PPP2R2D: variants seen among roughly 807,000 people sequenced by gnomAD.
The protein encoded by PPP2R2D is protein phosphatase 2 regulatory subunit Bdelta, also known as serine/threonine-protein phosphatase 2A 55 kDa regulatory subunit B delta isoform.
Under a neutral mutation model 31.1 loss-of-function variants are expected in PPP2R2D, and 9 were observed. The ratio of observed to expected loss-of-function variants is 0.29; its 90% CI spans 0.17 to 0.51. The LOEUF (loss-of-function observed/expected upper bound fraction) is 0.51. Ranked by LOEUF, PPP2R2D falls within the 20% of genes least tolerant of loss-of-function variation. PPP2R2D has a pLI of 0.98. For synonymous variants in PPP2R2D, 179 were observed against 172.6 expected, an observed-to-expected ratio of 1.04 and a Z score of -0.29; for missense variants, 391 against 465.6, an observed-to-expected ratio of 0.84 and a Z score of 1.48.
At chr10:131,932,144 T>C (rs1209730756) in intron 2 of PPP2R2D, among the ~76,000 whole-genome samples, 3 of 152,106 alleles carry the variant, frequency 2.0e-5, no homozygotes, top group Non-Finnish European at 4.4e-5. Flanking sequence ...GCGGACACTT[T>C]GCGGATTTGA....
Position 131,947,573 on chromosome 10 carries a change from A to C in PPP2R2D, c.864A>C (p.Ser288=), listed in dbSNP as rs2036564644. 6.2e-7 allele frequency: 1 copy of C among 1,614,102 alleles called. No homozygotes were observed. The highest frequency in any genetic ancestry group is 8.5e-7 in the Non-Finnish European group (1 of 1,180,038). ...ATCCCAGCAGTAGGTCCTTCTTCTC[A>C]GAAATAATTTCATCCATATCCGATG... ...PEDPSSRSFF[S]EIISSISDVK... Residue 288 remains serine (S), a synonymous_variant, in exon 8 of 9, where the codon TCA becomes TCC. Transcript: ENST00000455566. This position sits in a 1 kb window ranked among gnomAD's most constrained non-coding sequence, Gnocchi z 4.3.
chr10:131,951,331 A>G (rs1272117419), intron 8 of PPP2R2D, among the ~76,000 whole-genome samples: 2 of 152,256 alleles, frequency 1.3e-5, no homozygotes, highest in African/African-American at 4.8e-5. Context: ...CCACAGGTGC[A>G]TCATTAGAGG....
At chr10:131,940,767 AGT>A (rs1265446736) in intron 5 of PPP2R2D, 73 bp downstream of exon 5, 1 of 700,396 alleles carries the variant, frequency 1.4e-6, no homozygotes, top group Non-Finnish European at 2.6e-6. Flanking sequence ...CTGTCTGGAG[AGT>A]GCTGCGCGGT....
Position 131,947,682 on chromosome 10 carries a change from C to A in PPP2R2D, c.973C>A (p.Pro325Thr), listed in dbSNP as rs1554898179. The A allele has an allele frequency of 6.2e-7, 1 of 1,614,056 alleles. No homozygotes were observed. The highest frequency in any genetic ancestry group is 8.5e-7 in the Non-Finnish European group (1 of 1,180,048). The change falls in exon 8 of 9, where the codon CCG (proline) becomes ACG (threonine). Residue 325 changes from proline (P) to threonine (T), a missense_variant. This residue lies in a region of PPP2R2D where 163 missense variants were observed against 179.5 expected (regional missense o/e 0.91). Coordinates refer to ENST00000455566, the MANE Select transcript of PPP2R2D (RefSeq NM_018461.5). The surrounding 1 kb of genome is among the most constrained non-coding windows in gnomAD (Gnocchi z 4.3). ...GTGGGACCTCAACATGGAGAGCAGG[C>A]CGGTGGAGACCCACCAGGTCCACGA... Reference protein sequence around the residue: ...KVWDLNMESRPVETHQVHEYL... With the variant: ...KVWDLNMESRTVETHQVHEYL...
At chr10:131,921,391 A>C (rs2035985508) in intron 2 of PPP2R2D, among the ~76,000 whole-genome samples, 1 of 152,134 alleles carries the variant, frequency 6.6e-6, no homozygotes, top group African/African-American at 2.4e-5. Flanking sequence ...TTAAGAGTTC[A>C]TCCGTTGCCA....
chr10:131,932,646 CAAAAAAA>C (rs368610703), intron 2 of PPP2R2D, among the ~76,000 whole-genome samples: 1 of 57,860 alleles, frequency 1.7e-5, no homozygotes, highest in Non-Finnish European at 3.1e-5. Flanking sequence ...CAGCCTGTCT[CAAAAAAA>C]AAAAAAAAAA....
chr10:131,938,458 G>T (rs952144153), intron 3 of PPP2R2D, among the ~76,000 whole-genome samples: 17 of 152,140 alleles, frequency 1.1e-4, no homozygotes, highest in Non-Finnish European at 2.4e-4. Flanking sequence ...ACCACCCAGA[G>T]GTTATCCCTT....
Position 131,947,768 on chromosome 10 carries a change from G to A in PPP2R2D, c.1059G>A (p.Glu353=), listed in dbSNP as rs782713608. The A allele has an allele frequency of 6.2e-7, 1 of 1,614,178 alleles. No individual in the cohort carries two copies. Among genetic ancestry groups the A allele is most frequent in the East Asian group, 2.2e-5 (1 of 44,880 alleles). Residue 353 remains glutamate (E), a synonymous_variant, in exon 8 of 9, where the codon GAG becomes GAA. Transcript: ENST00000455566. The surrounding 1 kb of genome is among the most constrained non-coding windows in gnomAD (Gnocchi z 4.3). ...ACGACTGCATCTTTGACAAGTTTGA[G>A]TGTTGCTGGAACGGTTCGGATAGGT... is the stretch of plus-strand genomic sequence containing the variant. ...YENDCIFDKF[E]CCWNGSDSAI... is the part of the protein sequence containing the mutation.
Position 131,945,726 on chromosome 10 carries a change from C to T in PPP2R2D, c.820+267C>T. ...TCGGCCTCCCAAAGTGCTGGGATTACAGGTGTGAGTCACCGCACCTGGTCA... is the reference window on the plus strand; with the variant it reads ...TCGGCCTCCCAAAGTGCTGGGATTATAGGTGTGAGTCACCGCACCTGGTCA... On this transcript the variant is annotated intron_variant, in intron 7 of 8. Transcript: ENST00000455566. The surrounding 1 kb of genome is among the most constrained non-coding windows in gnomAD (Gnocchi z 4.8). 2.4e-6 allele frequency: 1 copy of T among 408,528 alleles called. No individual in the cohort carries two copies. The highest frequency in any genetic ancestry group is 4.4e-6 in the Non-Finnish European group (1 of 226,412). The allele number at this position is 408,528 out of a possible 1,614,324, so 25.3% of individuals were successfully genotyped here.
At chr10:131,918,897 G>GCA (rs1554893716) in intron 2 of PPP2R2D, among the ~76,000 whole-genome samples, 2 of 144,526 alleles carry the variant, frequency 1.4e-5, no homozygotes, top group African/African-American at 5.2e-5. Context: ...GACCTCACAT[G>GCA]GGTGGAATGG....
intron 2 of PPP2R2D, 69 bp from the exon 3 acceptor site, chr10:131,934,389 T>G: frequency 1.4e-6 from 1 of 714,542 alleles, no homozygotes; most frequent in Non-Finnish European, 2.6e-6. Flanking sequence ...TCTTTTTTAT[T>G]AATTTTTTGG....
chr10:131,948,071 A>G (rs1414425890), intron 8 of PPP2R2D, among the ~76,000 whole-genome samples: 1 of 152,214 alleles, frequency 6.6e-6, no homozygotes, highest in Non-Finnish European at 1.5e-5. Flanking sequence ...ATGATAGTGT[A>G]TTACTTTTTA....
Position 131,939,565 on chromosome 10 carries a change from A to G in PPP2R2D, c.199-466A>G, listed in dbSNP as rs188882150. The stretch of plus-strand genomic sequence containing the variant: ...TGCTCCAGAAAATACGGCAGGCTGT[A>G]TTTGGCAGACCTGCTCCAGAGAACA... On this transcript the variant is annotated intron_variant, in intron 3 of 8. Coordinates refer to ENST00000455566, the MANE Select transcript of PPP2R2D (RefSeq NM_018461.5). Among the ~76,000 whole-genome samples the G allele has an allele frequency of 8.4e-4, 120 of 142,338 alleles. 17 individuals are homozygous for G. The highest frequency in any genetic ancestry group is 1.6e-3 in the East Asian group (8 of 4,866). The allele number at this position is 142,338 out of a possible 152,430, so 93.4% of individuals were successfully genotyped here.
chr10:131,970,604 G>A, the PPP2R2D span: 2 of 1,608,046 alleles, frequency 1.2e-6, no homozygotes, highest in Non-Finnish European at 1.7e-6. The surrounding 1 kb of genome is among the most constrained non-coding windows in gnomAD (Gnocchi z 4.1). Context: ...CCCACGACAT[G>A]CCATGACAGG....
chr10:131,909,348 T>G (rs1231031379), intron 2 of PPP2R2D, among the ~76,000 whole-genome samples: 1 of 152,156 alleles, frequency 6.6e-6, no homozygotes, highest in Non-Finnish European at 1.5e-5. Flanking sequence ...TCAGCTTTGT[T>G]TTTAACAAGG....
downstream of PPP2R2D, among the ~76,000 whole-genome samples, chr10:131,960,836 G>A (rs1554901339): frequency 6.6e-6 from 1 of 152,226 alleles, no homozygotes; most frequent in Non-Finnish European, 1.5e-5. Flanking sequence ...AGAGCCAGCA[G>A]GAGTCCGGGC....
downstream of PPP2R2D, among the ~76,000 whole-genome samples, chr10:131,960,304 A>G (rs1033899079): frequency 6.6e-6 from 1 of 152,222 alleles, no homozygotes; most frequent in Non-Finnish European, 1.5e-5. Context: ...AATGCTGAGC[A>G]CAGTTTTCAT....
At chr10:131,965,455 CT>C in the PPP2R2D span, among the ~76,000 whole-genome samples, 1 of 152,116 alleles carries the variant, frequency 6.6e-6, no homozygotes, top group Non-Finnish European at 1.5e-5. Flanking sequence ...AACTAGGGGG[CT>C]TTTATTTTTT....
intron 2 of PPP2R2D, among the ~76,000 whole-genome samples, chr10:131,904,031 C>T (rs2035542993): frequency 2.6e-5 from 4 of 152,006 alleles, no homozygotes; most frequent in African/African-American, 9.7e-5. Flanking sequence ...TGGCGAAACC[C>T]CATCTCTACT....
Sources: gnomAD v4.1 joint callset for allele counts (sites outside exome capture counted in the v4.1 genomes callset) on GRCh38, gnomAD v4.1.1 for gene constraint, gnomAD v4.1.1 regional missense constraint, Gnocchi (gnomAD v3.1) non-coding constraint, MANE v1.5 for transcripts, NCBI Gene and HGNC (gene_info 2026-07-23, HGNC 2026-07-21) for gene names.